UNC13C: variants seen among roughly 807,000 people sequenced by gnomAD.
UNC13C encodes the protein unc-13 homolog C, also known as protein unc-13 homolog C.
A neutral mutation model predicts 245.4 loss-of-function variants in UNC13C; 174 were observed. The observed-to-expected ratio is 0.71, with a 90% confidence interval of 0.63 to 0.80. UNC13C has a LOEUF of 0.80. UNC13C is among the 30% of genes least tolerant of loss of function. The probability of loss-of-function intolerance (pLI) is 0.00; values close to 1 mark genes in which losing one functional copy is unlikely to be tolerated. For synonymous variants in UNC13C, 992 were observed against 895.1 expected, an observed-to-expected ratio of 1.11 and a Z score of -1.93; for missense variants, 2,829 against 2,602.9, an observed-to-expected ratio of 1.09 and a Z score of -1.89.
At chr15:53,907,873 A>G in the UNC13C span, among the ~76,000 whole-genome samples, 10 of 146,620 alleles carry the variant, frequency 6.8e-5, 1 homozygote, top group Admixed American at 2.1e-4. Flanking sequence ...TAAAAGCAAA[A>G]TAATAAACAG....
At chr15:54,590,740 A>G (rs1898742952) in intron 30 of UNC13C, among the ~76,000 whole-genome samples, 1 of 152,194 alleles carries the variant, frequency 6.6e-6, no homozygotes, top group Non-Finnish European at 1.5e-5. Context: ...ATCAGCAAAC[A>G]AGGACAGGTT....
At chr15:54,501,920 G>A (rs1477208805) in intron 22 of UNC13C, among the ~76,000 whole-genome samples, 1 of 152,154 alleles carries the variant, frequency 6.6e-6, no homozygotes, top group Admixed American at 6.6e-5. Context: ...TTGGGAGAGT[G>A]AAGATACCCC....
chr15:54,142,992 C>T, intron 2 of UNC13C, 26 bp from the exon 3 acceptor site: 3 of 1,607,588 alleles, frequency 1.9e-6, no homozygotes, highest in Middle Eastern at 3.3e-4. Flanking sequence ...TAACATTTAT[C>T]CCTTCTTTTC....
intron 26 of UNC13C, among the ~76,000 whole-genome samples, chr15:54,536,532 A>G (rs770601274): frequency 6.6e-5 from 10 of 152,100 alleles, no homozygotes; most frequent in Non-Finnish European, 1.3e-4. Flanking sequence ...ACAACAAAAA[A>G]GGAAAACTTC....
At chr15:54,069,191 C>T (rs1447112242) in intron 2 of UNC13C, among the ~76,000 whole-genome samples, 7 of 152,142 alleles carry the variant, frequency 4.6e-5, no homozygotes, top group South Asian at 2.1e-4. Context: ...AGAAGGAGTG[C>T]GTTCCTCTTC....
the UNC13C span, among the ~76,000 whole-genome samples, chr15:53,952,930 T>C: frequency 6.6e-6 from 1 of 152,144 alleles, no homozygotes; most frequent in Non-Finnish European, 1.5e-5. Context: ...CCTGAGCGGT[T>C]TGGGGATGAA....
intron 4 of UNC13C, among the ~76,000 whole-genome samples, chr15:54,203,519 CAT>C (rs1202904559): frequency 1.0e-3 from 139 of 134,684 alleles, no homozygotes; most frequent in African/African-American, 3.4e-3. Flanking sequence ...CACACACACA[CAT>C]ATATATGTAT....
intron 17 of UNC13C, among the ~76,000 whole-genome samples, chr15:54,348,783 A>G (rs2038916630): frequency 6.6e-6 from 1 of 152,178 alleles, no homozygotes; most frequent in African/African-American, 2.4e-5. Context: ...ATGAAAGAAA[A>G]GTTAAAATGT....
At chr15:54,072,951 A>G (rs139309729) in intron 2 of UNC13C, among the ~76,000 whole-genome samples, 3,225 of 152,050 alleles carry the variant, frequency 0.021, 116 homozygotes, top group African/African-American at 0.075. Context: ...TTACGTAGGT[A>G]TACACGTGCC....
chr15:54,615,502 G>T (rs1900372305), intron 30 of UNC13C, among the ~76,000 whole-genome samples: 1 of 151,812 alleles, frequency 6.6e-6, no homozygotes, highest in Admixed American at 6.6e-5. Flanking sequence ...GTCTCTTCCT[G>T]CTTATAATGC....
At chr15:53,993,688 C>G (rs1007003030) in intron 1 of UNC13C, among the ~76,000 whole-genome samples, 3 of 152,072 alleles carry the variant, frequency 2.0e-5, no homozygotes, top group African/African-American at 7.2e-5. Flanking sequence ...AGAGGATATT[C>G]TAATTGTTAT....
chr15:54,275,521 A>C (rs2036809389), intron 10 of UNC13C, among the ~76,000 whole-genome samples: 1 of 151,968 alleles, frequency 6.6e-6, no homozygotes, highest in Non-Finnish European at 1.5e-5. Flanking sequence ...TTATTTTGTT[A>C]TTCTAGTTAT....
intron 2 of UNC13C, among the ~76,000 whole-genome samples, chr15:54,117,926 T>A (rs1230412325): frequency 2.0e-5 from 3 of 152,146 alleles, no homozygotes; most frequent in African/African-American, 7.2e-5. Flanking sequence ...TTATATGTTC[T>A]TGGCATCTTT....
At chr15:54,039,913 C>T (rs1595752475) in intron 2 of UNC13C, among the ~76,000 whole-genome samples, 1 of 151,954 alleles carries the variant, frequency 6.6e-6, no homozygotes, top group Non-Finnish European at 1.5e-5. Flanking sequence ...CCTTGACCCC[C>T]ACCAGTAGCC....
At chr15:54,440,435 A>G (rs1596378062) in intron 19 of UNC13C, among the ~76,000 whole-genome samples, 1 of 151,994 alleles carries the variant, frequency 6.6e-6, no homozygotes, top group African/African-American at 2.4e-5. Flanking sequence ...GGCTTATTTC[A>G]CCTAACATAA....
At chr15:53,883,452 A>T in the UNC13C span, among the ~76,000 whole-genome samples, 1 of 152,204 alleles carries the variant, frequency 6.6e-6, no homozygotes, top group Non-Finnish European at 1.5e-5. Flanking sequence ...TTTAAAGATA[A>T]CTGTCTTTTG....
At chr15:54,614,360 T>G (rs1037827096) in intron 30 of UNC13C, among the ~76,000 whole-genome samples, 1 of 151,946 alleles carries the variant, frequency 6.6e-6, no homozygotes, top group African/African-American at 2.4e-5. Context: ...AATTTTCGAC[T>G]CTATAGGCAT....
intron 2 of UNC13C, among the ~76,000 whole-genome samples, chr15:54,069,624 T>C (rs1414701914): frequency 6.6e-6 from 1 of 152,206 alleles, no homozygotes; most frequent in Non-Finnish European, 1.5e-5. Context: ...TAACTTGTCA[T>C]GGGCCATGTA....
At chr15:54,251,758 G>C (rs2036158218) in intron 8 of UNC13C, among the ~76,000 whole-genome samples, 1 of 152,168 alleles carries the variant, frequency 6.6e-6, no homozygotes, top group African/African-American at 2.4e-5. Context: ...GTCAATGTAA[G>C]ATATGTGGAT....
Sources: gnomAD v4.1 joint callset for allele counts (sites outside exome capture counted in the v4.1 genomes callset) on GRCh38, gnomAD v4.1.1 for gene constraint, MANE v1.5 for transcripts, NCBI Gene and HGNC (gene_info 2026-07-23, HGNC 2026-07-21) for gene names.